Variants in CTNND2 observed in about 807,000 individuals in gnomAD.
The protein encoded by CTNND2 is catenin delta-2.
In CTNND2, 22 loss-of-function variants were observed where a neutral mutation model predicts 144.4. That is an observed-to-expected ratio of 0.15 (90% CI 0.11 to 0.22). The LOEUF is 0.22. Ranked by LOEUF, CTNND2 falls within the 10% of genes least tolerant of loss-of-function variation. The pLI, the probability that CTNND2 is intolerant of heterozygous loss-of-function variation, is 1.00. For missense variants in CTNND2, 1,353 were observed against 1,618.8 expected, an observed-to-expected ratio of 0.84 and a Z score of 2.82; for synonymous variants, 751 against 695.6, an observed-to-expected ratio of 1.08 and a Z score of -1.25.
chr5:11,457,091 T>C (rs1330423077), intron 3 of CTNND2, among the ~76,000 whole-genome samples: 1 of 152,220 alleles, frequency 6.6e-6, no homozygotes, highest in Admixed American at 6.5e-5. Flanking sequence ...TTCACCTTAT[T>C]TATTTCTTTT....
At chr5:11,150,310 C>T (rs1001770713) in intron 12 of CTNND2, among the ~76,000 whole-genome samples, 3 of 152,168 alleles carry the variant, frequency 2.0e-5, no homozygotes, top group Admixed American at 6.5e-5. Flanking sequence ...TGAGTAAATC[C>T]GGTGGACTTC....
chr5:11,325,502 T>C (rs1160613419), intron 9 of CTNND2, among the ~76,000 whole-genome samples: 5 of 152,162 alleles, frequency 3.3e-5, no homozygotes, highest in Non-Finnish European at 7.3e-5. Context: ...CATCTCTTAA[T>C]GAGTGGAGAC....
intron 9 of CTNND2, among the ~76,000 whole-genome samples, chr5:11,307,357 C>T (rs778341525): frequency 7.4e-5 from 11 of 148,056 alleles, no homozygotes; most frequent in Non-Finnish European, 1.2e-4. Context: ...ACAAGGGAAT[C>T]GTCACAGGGC....
At chr5:11,491,525 G>A (rs958173674) in intron 3 of CTNND2, among the ~76,000 whole-genome samples, 2 of 152,178 alleles carry the variant, frequency 1.3e-5, no homozygotes, top group Non-Finnish European at 2.9e-5. Context: ...GCACAGCTGG[G>A]ATTCCAACTA....
intron 9 of CTNND2, among the ~76,000 whole-genome samples, chr5:11,289,221 T>G (rs1036617730): frequency 2.1e-4 from 32 of 152,210 alleles, no homozygotes; most frequent in Non-Finnish European, 3.1e-4. Flanking sequence ...GTCCAGAGCA[T>G]CTAACACAGT....
chr5:11,055,014 T>G (rs1331337679), intron 16 of CTNND2, among the ~76,000 whole-genome samples: 5 of 152,206 alleles, frequency 3.3e-5, no homozygotes, highest in Non-Finnish European at 7.3e-5. Context: ...AGCTGAGCAA[T>G]GCCAAGGGTC....
chr5:11,768,872 C>T (rs752469376), intron 1 of CTNND2, among the ~76,000 whole-genome samples: 7 of 152,108 alleles, frequency 4.6e-5, no homozygotes, highest in Non-Finnish European at 7.3e-5. Context: ...AATTCAGTGA[C>T]GAAATATTGC....
chr5:11,791,253 G>T, intron 1 of CTNND2, among the ~76,000 whole-genome samples: 1 of 152,148 alleles, frequency 6.6e-6, no homozygotes, highest in Non-Finnish European at 1.5e-5. Flanking sequence ...CACATAGTTG[G>T]TCATACTTTG....
At chr5:11,104,679 G>A (rs1044804733) in intron 14 of CTNND2, among the ~76,000 whole-genome samples, 48 of 152,148 alleles carry the variant, frequency 3.2e-4, no homozygotes, top group Admixed American at 1.5e-3. Context: ...TAGTGCGGGT[G>A]TCTGAATCCC....
chr5:11,675,392 C>G (rs1419235141), intron 2 of CTNND2, among the ~76,000 whole-genome samples: 1 of 152,000 alleles, frequency 6.6e-6, no homozygotes, highest in Non-Finnish European at 1.5e-5. Flanking sequence ...ATTCTGAATC[C>G]AAGTAGGGAT....
intron 10 of CTNND2, among the ~76,000 whole-genome samples, chr5:11,230,134 A>C (rs245093): frequency 6.8e-6 from 1 of 147,124 alleles, no homozygotes; most frequent in African/African-American, 2.5e-5. Flanking sequence ...ACCAAACACC[A>C]CATATTCTCA....
rs956322656 is a variant in CTNND2 at position 11,679,885 on chromosome 5, C to T, written c.174+52251G>A. On this transcript the variant is annotated intron_variant, in intron 2 of 21. Coordinates refer to ENST00000304623, the MANE Select transcript of CTNND2 (RefSeq NM_001332.4). ...GGCATCCCAGTGAGGGAGACACAAA[C>T]CAAACAGCTAGTAACACATTCCTTC... is the stretch of plus-strand genomic sequence containing the variant. 3.9e-5 allele frequency among the ~76,000 whole-genome samples: 6 copies of T among 152,290 alleles called. No individual in the cohort carries two copies. The South Asian group carries it at 1.0e-3, about 26-fold the overall frequency.
chr5:11,730,039 C>T (rs1787281622), intron 2 of CTNND2, among the ~76,000 whole-genome samples: 1 of 152,110 alleles, frequency 6.6e-6, no homozygotes, highest in Non-Finnish European at 1.5e-5. Flanking sequence ...TTCTCACCAA[C>T]ATTAGGAAGT....
At chr5:11,720,152 G>A (rs1226110242) in intron 2 of CTNND2, among the ~76,000 whole-genome samples, 1 of 152,044 alleles carries the variant, frequency 6.6e-6, no homozygotes, top group East Asian at 1.9e-4. Context: ...GCAACTGGCC[G>A]TACTTGAGAG....
intron 16 of CTNND2, among the ~76,000 whole-genome samples, chr5:11,044,530 CA>C (rs59308721): frequency 0.41 from 56,373 of 137,842 alleles, 11,609 homozygotes; most frequent in East Asian, 0.66. Context: ...CACATGCTTG[CA>C]AAAAAAAAAA....
intron 14 of CTNND2, among the ~76,000 whole-genome samples, chr5:11,102,970 A>ATTTTTTTTTTTTTTTTTTTTTT: frequency 1.2e-5 from 1 of 84,080 alleles, no homozygotes; most frequent in Non-Finnish European, 2.2e-5. Flanking sequence ...TATTTAAAAG[A>ATTTTTTTTTTTTTTTTTTTTTT]TTTTTTTTTT....
chr5:11,770,408 AAAGGAAAGAAGGAAGGAAGGAAGGAAGG>A (rs1375186073), intron 1 of CTNND2, among the ~76,000 whole-genome samples: 7 of 142,148 alleles, frequency 4.9e-5, no homozygotes, highest in Middle Eastern at 3.5e-3. Flanking sequence ...AAACAGAAAA[AAAGGAAAGAAGGAAGGAAGGAAGGAAGG>A]AAGGAAGGAA....
intron 3 of CTNND2, among the ~76,000 whole-genome samples, chr5:11,526,755 A>G (rs1003370860): frequency 6.6e-6 from 1 of 152,216 alleles, no homozygotes; most frequent in African/African-American, 2.4e-5. Flanking sequence ...ACTCCTAGGT[A>G]CACACCCAGG....
At chr5:11,768,119 T>A (rs1457299833) in intron 1 of CTNND2, among the ~76,000 whole-genome samples, 1 of 152,170 alleles carries the variant, frequency 6.6e-6, no homozygotes, top group Non-Finnish European at 1.5e-5. Context: ...CATGCATCTT[T>A]ATGAAACTAA....
Sources: gnomAD v4.1 joint callset for allele counts (sites outside exome capture counted in the v4.1 genomes callset) on GRCh38, gnomAD v4.1.1 for gene constraint, MANE v1.5 for transcripts, NCBI Gene and HGNC (gene_info 2026-07-23, HGNC 2026-07-21) for gene names.